The following TPD52 variants were observed in gnomAD, a reference collection of about 807,000 sequenced individuals.
The protein encoded by TPD52 is tumor protein D52, also known as prostate and colon associated protein.
A neutral mutation model predicts 31.3 loss-of-function variants in TPD52; 17 were observed. The observed-to-expected ratio is 0.54, with a 90% CI of 0.37 to 0.82. The LOEUF (loss-of-function observed/expected upper bound fraction) is 0.82. Among genes scored for constraint, TPD52 ranks in the 40% least tolerant of loss-of-function variants. The pLI is 0.00. For synonymous variants in TPD52, 83 were observed against 89.6 expected (o/e 0.93, Z 0.42); for missense variants, 212 against 240.1 (o/e 0.88, Z 0.77).
intron 1 of TPD52, among the ~76,000 whole-genome samples, chr8:80,095,674 C>T (rs931777760): frequency 2.7e-5 from 4 of 147,356 alleles, no homozygotes; most frequent in African/African-American, 5.1e-5. Context: ...AGGCCGGGTG[C>T]GGTGGCTCAT....
At chr8:80,066,376 A>T (rs1393431324) in intron 1 of TPD52, among the ~76,000 whole-genome samples, 2 of 152,352 alleles carry the variant, frequency 1.3e-5, no homozygotes, top group Admixed American at 1.3e-4. Flanking sequence ...GCATAAAAGT[A>T]ACACAAAAAA....
chr8:80,042,991 T>C (rs1043403115), intron 6 of TPD52: 2 of 202,868 alleles, frequency 9.9e-6, no homozygotes, highest in Non-Finnish European at 9.9e-6. Context: ...CCCAACCAAC[T>C]TGTCATGGTA....
At chr8:80,129,708 T>TC (rs1563647792) in intron 1 of TPD52, among the ~76,000 whole-genome samples, 1 of 150,038 alleles carries the variant, frequency 6.7e-6, no homozygotes, top group Non-Finnish European at 1.5e-5. Flanking sequence ...CATTTCTTTT[T>TC]TTTTTTTTTT....
intron 1 of TPD52, among the ~76,000 whole-genome samples, chr8:80,125,790 A>G (rs1385941320): frequency 6.6e-6 from 1 of 152,230 alleles, no homozygotes; most frequent in Non-Finnish European, 1.5e-5. Flanking sequence ...TAAGAATACA[A>G]TTTCTAGAGA....
At chr8:80,050,301 A>G (rs1811232273) in intron 5 of TPD52, 144 bp downstream of exon 5, 3 of 621,372 alleles carry the variant, frequency 4.8e-6, no homozygotes, top group Non-Finnish European at 7.8e-6. Flanking sequence ...GAAATTAGGA[A>G]TGCACTAGAG....
At position 80,058,442 on chromosome 8, in the gene TPD52, A is replaced by T. The variant is rs114931525; in HGVS notation, c.136-5012T>A. ...TTGCACAAGAGTATATTGGCATAAA[A>T]ATGTTTTTGAAAATCAGTTAAGTGG... On this transcript the variant is annotated intron_variant, in intron 2 of 7. Transcript: ENST00000518937. Among the ~76,000 whole-genome samples the T allele has an allele frequency of 6.2e-3, 950 of 152,362 alleles. 9 individuals are homozygous for T. Among genetic ancestry groups the T allele is most frequent in the African/African-American group, 0.022 (899 of 41,580 alleles).
chr8:80,171,391 C>A (rs977988829), intron 1 of TPD52, 34 bp downstream of exon 1: 9 of 1,589,170 alleles, frequency 5.7e-6, no homozygotes, highest in African/African-American at 1.5e-5. Context: ...CGAGTCCAAG[C>A]CCGAGCCCAA....
intron 1 of TPD52, among the ~76,000 whole-genome samples, chr8:80,085,933 C>T (rs1815716841): frequency 6.6e-6 from 1 of 152,056 alleles, no homozygotes; most frequent in Non-Finnish European, 1.5e-5. Context: ...CCCACCCTGA[C>T]TGAAGGATAG....
rs541145164 is a variant in TPD52 at position 80,095,877 on chromosome 8, G to C, written c.20-31284C>G. Among the ~76,000 whole-genome samples, 52 of 152,306 alleles carry C rather than the reference G, an allele frequency of 3.4e-4. No individual in the cohort carries two copies. The South Asian group carries it at 0.011, about 31-fold the overall frequency. On this transcript the variant is annotated intron_variant, in intron 1 of 7. Transcript: ENST00000518937. ...GCAGGAGAATCGCTTGAACCCAGGA[G>C]GCGGAGGTTTCAGTGAGCTGAGATC...
chr8:80,051,342 G>A (rs1811365961), intron 4 of TPD52, 185 bp downstream of exon 4: 1 of 570,494 alleles, frequency 1.8e-6, no homozygotes, highest in South Asian at 2.2e-5. Flanking sequence ...ATCATTTGAT[G>A]TTAGAATGCT....
At chr8:80,104,259 T>TG (rs1563628763) in intron 1 of TPD52, among the ~76,000 whole-genome samples, 1 of 152,142 alleles carries the variant, frequency 6.6e-6, no homozygotes, top group African/African-American at 2.4e-5. Context: ...CTTCCCAGTT[T>TG]GGGGGTGTGG....
At position 80,060,239 on chromosome 8, in the gene TPD52, G is replaced by A. The variant is rs538964711; in HGVS notation, c.135+4239C>T. On this transcript the variant is annotated intron_variant, in intron 2 of 7. Coordinates refer to ENST00000518937, the MANE Select transcript of TPD52 (RefSeq NM_001025253.3). ...TATAGAAACAGAAAGGATTATAAAAGAATATTATGAGCAATTGTACACCAA... is the reference window on the plus strand; with the variant it reads ...TATAGAAACAGAAAGGATTATAAAAAAATATTATGAGCAATTGTACACCAA... 2.3e-3 allele frequency among the ~76,000 whole-genome samples: 333 copies of A among 146,168 alleles called. 5 individuals are homozygous for A. The highest frequency in any genetic ancestry group is 7.9e-3 in the African/African-American group (312 of 39,612).
At chr8:80,041,250 C>G (rs1025811536) in intron 7 of TPD52, among the ~76,000 whole-genome samples, 1 of 151,878 alleles carries the variant, frequency 6.6e-6, no homozygotes, top group Non-Finnish European at 1.5e-5. Flanking sequence ...ATGTAACAAG[C>G]CTGCACATTC....
At chr8:80,159,972 C>T (rs1036305566) in intron 1 of TPD52, among the ~76,000 whole-genome samples, 1 of 152,198 alleles carries the variant, frequency 6.6e-6, no homozygotes, top group African/African-American at 2.4e-5. Flanking sequence ...AGGAGGATCA[C>T]TTGAGCCCAG....
chr8:80,126,615 G>C (rs989928257), intron 1 of TPD52, among the ~76,000 whole-genome samples: 1 of 151,264 alleles, frequency 6.6e-6, no homozygotes, highest in Non-Finnish European at 1.5e-5. Flanking sequence ...CCAAGTAGCT[G>C]AGACTACAAG....
intron 1 of TPD52, among the ~76,000 whole-genome samples, chr8:80,125,689 C>T (rs1049378787): frequency 1.3e-5 from 2 of 152,086 alleles, no homozygotes; most frequent in African/African-American, 4.8e-5. Context: ...ATTATGTCAA[C>T]CCAATAGTGT....
chr8:80,142,186 A>C (rs559696989), intron 1 of TPD52, among the ~76,000 whole-genome samples: 47 of 152,342 alleles, frequency 3.1e-4, no homozygotes, highest in Non-Finnish European at 6.2e-4. Flanking sequence ...GTTGCAATTA[A>C]GGCTCATATG....
In TPD52 at chr8:80,059,289, T is replaced by C. The variant is rs181916897; in HGVS notation, c.135+5189A>G. Among the ~76,000 whole-genome samples, 51 of 152,182 alleles carry C rather than the reference T, an allele frequency of 3.4e-4. No homozygotes were observed. The East Asian group carries it at 6.2e-3, about 18-fold the overall frequency. On this transcript the variant is annotated intron_variant, in intron 2 of 7. Coordinates refer to ENST00000518937, the MANE Select transcript of TPD52 (RefSeq NM_001025253.3). ...AACAAAAACAGTGTATTAAAACTTT[T>C]GGGATGCAGTTGAAGAACTGTCAGT... is the stretch of plus-strand genomic sequence containing the variant.
At chr8:80,100,904 T>G (rs570320050) in intron 1 of TPD52, among the ~76,000 whole-genome samples, 1 of 152,272 alleles carries the variant, frequency 6.6e-6, no homozygotes, top group Non-Finnish European at 1.5e-5. Flanking sequence ...AAATGTTGAT[T>G]TCATCCAAAA....
Sources: gnomAD v4.1 joint callset for allele counts (sites outside exome capture counted in the v4.1 genomes callset) on GRCh38, gnomAD v4.1.1 for gene constraint, MANE v1.5 for transcripts, NCBI Gene and HGNC (gene_info 2026-07-23, HGNC 2026-07-21) for gene names.